Variants in PECAM1 observed in about 807,000 individuals in gnomAD.
PECAM1 encodes the protein platelet and endothelial cell adhesion molecule 1.
A neutral mutation model predicts 13.8 loss-of-function variants in PECAM1; 8 were observed. The observed-to-expected ratio is 0.58, with a 90% CI of 0.34 to 1.05. PECAM1 has a LOEUF of 1.05. PECAM1 is among the 50% of genes least tolerant of loss of function. The pLI is 0.03. For missense variants in PECAM1, 304 were observed against 141.2 expected, an observed-to-expected ratio of 2.15 and a Z score of -5.84; for synonymous variants, 136 against 52.6, an observed-to-expected ratio of 2.58 and a Z score of -6.86.
chr17:64,323,974 C>T, intron 15 of PECAM1, 129 bp from the exon 16 acceptor site: 1 of 799,754 alleles, frequency 1.3e-6, no homozygotes, highest in Non-Finnish European at 2.2e-6. Context: ...ACACACTGGT[C>T]CCCCACCCTG....
intron 11 of PECAM1, 137 bp from the exon 12 acceptor site, chr17:64,350,570 T>C (rs1434447893): frequency 5.0e-6 from 2 of 403,474 alleles, no homozygotes; most frequent in Non-Finnish European, 9.1e-6. Flanking sequence ...CTCTGGGTCC[T>C]GGGTCCCCTC....
chr17:64,374,521 C>T (rs1260430152), intron 4 of PECAM1, among the ~76,000 whole-genome samples: 3 of 151,772 alleles, frequency 2.0e-5, no homozygotes, highest in Non-Finnish European at 2.9e-5. Context: ...TGGTGGCTCA[C>T]GCCTGTAATC....
intron 2 of PECAM1, among the ~76,000 whole-genome samples, chr17:64,388,859 G>A (rs1178881293): frequency 6.6e-6 from 1 of 152,040 alleles, no homozygotes; most frequent in African/African-American, 2.4e-5. Context: ...GTAGAGACGG[G>A]GTTTCACTGT....
At chr17:64,376,496 T>C (rs2036362796) in intron 3 of PECAM1, among the ~76,000 whole-genome samples, 1 of 152,186 alleles carries the variant, frequency 6.6e-6, no homozygotes, top group South Asian at 2.1e-4. Context: ...TTACCCTTTA[T>C]TGAATGCAGC....
intron 3 of PECAM1, among the ~76,000 whole-genome samples, chr17:64,376,176 G>C (rs2036353928): frequency 6.6e-6 from 1 of 151,830 alleles, no homozygotes; most frequent in Non-Finnish European, 1.5e-5. Flanking sequence ...ATGGTGGCAG[G>C]CACCTGTAAT....
At chr17:64,375,629 G>A (rs1465596416) in intron 3 of PECAM1, among the ~76,000 whole-genome samples, 1 of 151,974 alleles carries the variant, frequency 6.6e-6, no homozygotes, top group Non-Finnish European at 1.5e-5. Flanking sequence ...AGACCAGCCT[G>A]GGCAACACGG....
intron 5 of PECAM1, among the ~76,000 whole-genome samples, chr17:64,369,503 G>T (rs919334114): frequency 0.014 from 2,187 of 152,238 alleles, 65 homozygotes; most frequent in African/African-American, 0.05. Flanking sequence ...CTCACCCAAG[G>T]TCACAGAAGC....
chr17:64,362,189 GC>G (rs1438611278), intron 6 of PECAM1, among the ~76,000 whole-genome samples: 1 of 152,148 alleles, frequency 6.6e-6, no homozygotes, highest in Non-Finnish European at 1.5e-5. Context: ...GCAGAACCTG[GC>G]CCCATCTGGG....
At chr17:64,340,275 T>C (rs1225886686) in intron 14 of PECAM1, among the ~76,000 whole-genome samples, 10 of 152,182 alleles carry the variant, frequency 6.6e-5, no homozygotes, top group African/African-American at 2.4e-4. Context: ...GGGCCCGAGA[T>C]TGCTGCTGCT....
chr17:64,371,731 G>A (rs1243505613), intron 4 of PECAM1, among the ~76,000 whole-genome samples: 16 of 152,184 alleles, frequency 1.1e-4, no homozygotes, highest in African/African-American at 3.9e-4. Flanking sequence ...TCAGGAGGCT[G>A]AGGCAGGAGA....
chr17:64,349,454 G>A (rs2035660969), intron 12 of PECAM1, among the ~76,000 whole-genome samples: 2 of 151,996 alleles, frequency 1.3e-5, no homozygotes, highest in South Asian at 2.1e-4. Context: ...TGGGCATGGT[G>A]GCACACACCT....
rs1381198065 is a variant in PECAM1 at position 64,350,639 on chromosome 17, CTTTCTT to C, written c.1991-212_1991-207del. Among the ~76,000 whole-genome samples, 125 of 143,466 alleles carry C rather than the reference CTTTCTT, an allele frequency of 8.7e-4. 1 individual carries two copies. The highest frequency in any genetic ancestry group is 1.6e-3 in the Admixed American group (23 of 14,088). The allele number at this position is 143,466 out of a possible 152,430, so 94.1% of individuals were successfully genotyped here. A position where few individuals can be genotyped will look rare whatever the true frequency, so the allele number is the denominator to read the frequency against. ...GTGTAGTCTTTTTCTTTTTTTCTTT[CTTTCTT>C]TTTTTTTTTTTTTTGAGGCAATGTC... is the stretch of plus-strand genomic sequence containing the variant. On this transcript the variant is annotated intron_variant, in intron 11 of 15. Coordinates refer to ENST00000563924, the MANE Select transcript of PECAM1 (RefSeq NM_000442.5).
intron 5 of PECAM1, among the ~76,000 whole-genome samples, chr17:64,365,144 G>A (rs1160525562): frequency 1.1e-4 from 16 of 149,408 alleles, no homozygotes; most frequent in Non-Finnish European, 2.1e-4. Flanking sequence ...CAAAATCAAT[G>A]TACAAAAATC....
chr17:64,341,551 T>C (rs2035431140), intron 14 of PECAM1, 83 bp downstream of exon 14: 2 of 413,530 alleles, frequency 4.8e-6, no homozygotes, highest in Non-Finnish European at 8.8e-6. Context: ...CTTTGCTTCT[T>C]CTTTTCTCTG....
At chr17:64,340,308 G>C (rs1458508038) in intron 14 of PECAM1, among the ~76,000 whole-genome samples, 1 of 152,118 alleles carries the variant, frequency 6.6e-6, no homozygotes, top group East Asian at 1.9e-4. Flanking sequence ...GTACTCGGAG[G>C]AGTCATCCTT....
intron 14 of PECAM1, among the ~76,000 whole-genome samples, chr17:64,340,871 G>A (rs1003396919): frequency 2.6e-5 from 4 of 152,136 alleles, no homozygotes; most frequent in Non-Finnish European, 4.4e-5. Flanking sequence ...GCCGAGGCGC[G>A]CGGATTACCT....
At chr17:64,371,020 C>A (rs908896380) in intron 4 of PECAM1, among the ~76,000 whole-genome samples, 1 of 152,150 alleles carries the variant, frequency 6.6e-6, no homozygotes, top group African/African-American at 2.4e-5. Flanking sequence ...CCTTTACATG[C>A]TTTAGGACTC....
chr17:64,368,719 C>T (rs1158110456), intron 5 of PECAM1, among the ~76,000 whole-genome samples: 2 of 151,108 alleles, frequency 1.3e-5, no homozygotes, highest in African/African-American at 2.4e-5. Context: ...GGCATGGTGG[C>T]GCATGCACCT....
chr17:64,329,350 A>G (rs2035042973), intron 15 of PECAM1, among the ~76,000 whole-genome samples: 1 of 152,040 alleles, frequency 6.6e-6, no homozygotes. Flanking sequence ...CTAAATTGCA[A>G]TGAGCTGTCA....
Sources: allele counts gnomAD v4.1 joint callset (sites outside exome capture counted in the v4.1 genomes callset), GRCh38; gene constraint gnomAD v4.1.1; transcripts MANE v1.5; gene names NCBI Gene and HGNC (gene_info 2026-07-23, HGNC 2026-07-21).